Variants in NLGN4Y observed in about 807,000 individuals in gnomAD.
NLGN4Y encodes neuroligin-4, Y-linked.
In NLGN4Y, 4 loss-of-function variants were observed where a neutral mutation model predicts 8.4. That is an observed-to-expected ratio of 0.48 (90% CI 0.23 to 1.09). The LOEUF is 1.09. Ranked by LOEUF, NLGN4Y falls within the 50% of genes least tolerant of loss-of-function variation. The pLI, the probability that NLGN4Y is intolerant of heterozygous loss-of-function variation, is 0.19. For synonymous variants in NLGN4Y, 35 were observed against 75.6 expected (o/e 0.46, Z 2.78); for missense variants, 90 against 192.3 (o/e 0.47, Z 3.15).
At chrY:14,728,533 TAC>T (rs2080962396) in intron 4 of NLGN4Y, among the ~76,000 whole-genome samples, 1 of 33,982 alleles carries the variant, frequency 2.9e-5, no homozygotes, top group Non-Finnish European at 7.3e-5. Flanking sequence ...TACAAACACA[TAC>T]ACTACTGAAA....
At chrY:14,781,812 T>G (rs1047958292) in intron 4 of NLGN4Y, among the ~76,000 whole-genome samples, 44 of 34,005 alleles carry the variant, frequency 1.3e-3, no homozygotes, top group Non-Finnish European at 8.8e-4. Context: ...ATTTGATTTT[T>G]TATCTATATT....
At chrY:14,696,014 G>A (rs2080826560) in intron 2 of NLGN4Y, among the ~76,000 whole-genome samples, 3 of 32,859 alleles carry the variant, frequency 9.1e-5, no homozygotes, top group African/African-American at 3.6e-4. Context: ...GCAGCTTGTT[G>A]CCATGCAGCC....
chrY:14,652,828 A>C (rs760934625), intron 2 of NLGN4Y, among the ~76,000 whole-genome samples: 1 of 32,686 alleles, frequency 3.1e-5, no homozygotes, highest in Admixed American at 2.9e-4. Context: ...AAGGTATTTG[A>C]AGTTTTAATT....
At chrY:14,695,309 C>T (rs2080823751) in intron 2 of NLGN4Y, among the ~76,000 whole-genome samples, 1 of 33,729 alleles carries the variant, frequency 3.0e-5, no homozygotes, top group Non-Finnish European at 7.3e-5. Flanking sequence ...TCATGGGATA[C>T]ATAATGTTCT....
intron 2 of NLGN4Y, among the ~76,000 whole-genome samples, chrY:14,664,626 G>A: frequency 6.0e-5 from 2 of 33,530 alleles, no homozygotes; most frequent in Admixed American, 2.7e-4. Context: ...CAAGCAAAGA[G>A]AACACTATTG....
intron 4 of NLGN4Y, among the ~76,000 whole-genome samples, chrY:14,775,086 G>A: frequency 9.4e-5 from 3 of 31,906 alleles, no homozygotes; most frequent in Admixed American, 2.9e-4. Context: ...AAACCACCAT[G>A]GCACGGTATA....
chrY:14,626,150 G>A, intron 2 of NLGN4Y, among the ~76,000 whole-genome samples: 1 of 33,977 alleles, frequency 2.9e-5, no homozygotes, highest in Non-Finnish European at 7.3e-5. Context: ...TGAAGCTGCC[G>A]ACCCTCGCGG....
intron 1 of NLGN4Y, among the ~76,000 whole-genome samples, chrY:14,573,740 A>G: frequency 3.0e-5 from 1 of 33,606 alleles, no homozygotes; most frequent in Non-Finnish European, 7.4e-5. Context: ...ATTTAGTGCT[A>G]TAAATTTCCC....
intron 2 of NLGN4Y, among the ~76,000 whole-genome samples, chrY:14,654,442 A>G: frequency 3.0e-5 from 1 of 32,811 alleles, no homozygotes; most frequent in African/African-American, 1.2e-4. Context: ...AGTTATCATT[A>G]TTATAGATTT....
At chrY:14,815,633 G>A in intron 4 of NLGN4Y, among the ~76,000 whole-genome samples, 2 of 33,164 alleles carry the variant, frequency 6.0e-5, no homozygotes, top group East Asian at 1.6e-3. Context: ...AGTTAAGATG[G>A]TATTCGTGGT....
chrY:14,647,364 T>G (rs2080614649), intron 2 of NLGN4Y, among the ~76,000 whole-genome samples: 3 of 34,178 alleles, frequency 8.8e-5, no homozygotes, highest in African/African-American at 3.4e-4. Context: ...TCTTTTTTCA[T>G]AATGAATCAG....
At chrY:14,683,029 A>T in intron 2 of NLGN4Y, among the ~76,000 whole-genome samples, 1 of 33,144 alleles carries the variant, frequency 3.0e-5, no homozygotes, top group South Asian at 6.9e-4. Context: ...TATTGAAGCT[A>T]AAGTGGAAAA....
intron 1 of NLGN4Y, among the ~76,000 whole-genome samples, chrY:14,598,948 G>A (rs2080417351): frequency 3.9e-5 from 1 of 25,800 alleles, no homozygotes; most frequent in South Asian, 9.3e-4. Context: ...ATGTGTGTGT[G>A]TGTGTCTGTG....
At chrY:14,640,035 T>A in intron 2 of NLGN4Y, 1 of 126,788 alleles carries the variant, frequency 7.9e-6, no homozygotes, top group South Asian at 3.9e-5. Context: ...CATTGAACTA[T>A]CCATCACAAC....
chrY:14,669,426 C>A (rs780794412), intron 2 of NLGN4Y, among the ~76,000 whole-genome samples: 3 of 33,337 alleles, frequency 9.0e-5, no homozygotes, highest in Middle Eastern at 0.015. Context: ...TAATTAAACT[C>A]GGCATTATAT....
chrY:14,629,844 G>A (rs752531034), intron 2 of NLGN4Y, among the ~76,000 whole-genome samples: 5 of 33,802 alleles, frequency 1.5e-4, no homozygotes, highest in African/African-American at 5.8e-4. Context: ...GAATGAGCAG[G>A]CACTGCTTCA....
chrY:14,727,256 A>T (rs947897157), intron 4 of NLGN4Y, among the ~76,000 whole-genome samples: 1 of 32,894 alleles, frequency 3.0e-5, no homozygotes, highest in Non-Finnish European at 7.5e-5. Context: ...GAGCTAGGGG[A>T]TACAATTTTA....
chrY:14,697,474 T>C (rs2080833526), intron 2 of NLGN4Y, among the ~76,000 whole-genome samples: 2 of 23,344 alleles, frequency 8.6e-5, no homozygotes, highest in African/African-American at 3.8e-4. Context: ...GACATATAGA[T>C]ATAGATAAGC....
chrY:14,537,552 G>C, intron 1 of NLGN4Y, among the ~76,000 whole-genome samples: 1 of 33,560 alleles, frequency 3.0e-5, no homozygotes, highest in Non-Finnish European at 7.4e-5. Context: ...GCTCACCATA[G>C]CAAGTCAGAA....
Sources: allele counts gnomAD v4.1 joint callset (sites outside exome capture counted in the v4.1 genomes callset), GRCh38; gene constraint gnomAD v4.1.1; transcripts MANE v1.5; gene names NCBI Gene and HGNC (gene_info 2026-07-23, HGNC 2026-07-21).